SPPL3: variants seen among roughly 807,000 people sequenced by gnomAD.
SPPL3 encodes the protein signal peptide peptidase-like 3.
SPPL3 carries 5 observed loss-of-function variants against 42.4 expected under a neutral mutation model. The ratio of observed to expected loss-of-function variants is 0.12; its 90% CI spans 0.06 to 0.25. The LOEUF is 0.25. SPPL3 is among the 10% of genes least tolerant of loss of function. The pLI, the probability that SPPL3 is intolerant of heterozygous loss-of-function variation, is 1.00. For missense variants in SPPL3, 235 were observed against 489.0 expected (o/e 0.48, Z 4.90); for synonymous variants, 195 against 181.8 (o/e 1.07, Z -0.58).
At chr12:120,883,396 C>G (rs1339720472) in intron 1 of SPPL3, among the ~76,000 whole-genome samples, 23 of 152,152 alleles carry the variant, frequency 1.5e-4, no homozygotes, top group Non-Finnish European at 1.5e-5. Flanking sequence ...CTAACCTATT[C>G]CTATTTAGAG....
intron 1 of SPPL3, among the ~76,000 whole-genome samples, chr12:120,881,995 G>A (rs1016216545): frequency 4.6e-5 from 7 of 152,030 alleles, no homozygotes; most frequent in Admixed American, 2.0e-4. Context: ...GCAGTCAACC[G>A]TGGTCTGAAA....
intron 1 of SPPL3, among the ~76,000 whole-genome samples, chr12:120,842,098 G>A (rs1871850728): frequency 6.6e-6 from 1 of 152,176 alleles, no homozygotes; most frequent in African/African-American, 2.4e-5. Flanking sequence ...AATACAGACT[G>A]TGTACAGTAT....
At chr12:120,896,643 G>A (rs972650740) in intron 1 of SPPL3, among the ~76,000 whole-genome samples, 5 of 152,110 alleles carry the variant, frequency 3.3e-5, no homozygotes, top group Non-Finnish European at 7.3e-5. Context: ...GCCGGGCATG[G>A]TGGTGTGCAC....
intron 1 of SPPL3, among the ~76,000 whole-genome samples, chr12:120,850,713 G>T (rs1192300027): frequency 6.6e-6 from 1 of 152,196 alleles, no homozygotes; most frequent in Non-Finnish European, 1.5e-5. Flanking sequence ...CATAGTTGCG[G>T]AGGTCATGAA....
At chr12:120,766,100 G>A (rs4767933) in intron 10 of SPPL3, among the ~76,000 whole-genome samples, 163 bp downstream of exon 10, 14,630 of 82,946 alleles carry the variant, frequency 0.18, 1,034 homozygotes, top group East Asian at 0.4. Context: ...GCGCGCGCGC[G>A]CACACACACA....
Position 120,811,637 on chromosome 12 carries a change from C to T in SPPL3, c.24-751G>A, listed in dbSNP as rs193261983. ...CTCCATGAGTTCACCCTCCACATTG[C>T]CCATTCTTATTTGTCAGGGATTTTC... is the stretch of plus-strand genomic sequence containing the variant. On this transcript the variant is annotated intron_variant, in intron 1 of 10. Coordinates refer to ENST00000353487, the MANE Select transcript of SPPL3 (RefSeq NM_139015.5). Among the ~76,000 whole-genome samples the T allele has an allele frequency of 5.8e-3, 878 of 152,286 alleles. 21 individuals carry two copies. Among genetic ancestry groups the T allele is most frequent in the Admixed American group, 0.051 (787 of 15,282 alleles).
At chr12:120,872,474 A>G (rs77714472) in intron 1 of SPPL3, among the ~76,000 whole-genome samples, 1,731 of 152,346 alleles carry the variant, frequency 0.011, 32 homozygotes, top group Non-Finnish European at 0.017. Context: ...CTTCAGGGAC[A>G]GAACACTGAA....
chr12:120,888,295 C>G (rs1013498266), intron 1 of SPPL3, among the ~76,000 whole-genome samples: 2 of 152,018 alleles, frequency 1.3e-5, no homozygotes, highest in African/African-American at 2.4e-5. Flanking sequence ...AGGCTGGTCT[C>G]GAACTCCTAA....
At chr12:120,863,455 C>G (rs1872671275) in intron 1 of SPPL3, among the ~76,000 whole-genome samples, 1 of 152,284 alleles carries the variant, frequency 6.6e-6, no homozygotes, top group African/African-American at 2.4e-5. Flanking sequence ...TAATGTCTGG[C>G]TTAATCGAAG....
Position 120,810,782 on chromosome 12 carries a change from T to C in SPPL3, c.101+27A>G, listed in dbSNP as rs142284375. The C allele has an allele frequency of 9.9e-4, 1,552 of 1,565,120 alleles. 15 individuals are homozygous for C. In the African/African-American group the frequency reaches 0.017, roughly 17 times the overall value. On this transcript the variant is annotated intron_variant, in intron 2 of 10. Transcript: ENST00000353487. ...GCTTCCTTCTTCCACCTCCAACTTGTATCAACCCCATTTGAGAATATCTTA... is the reference window on the plus strand; with the variant it reads ...GCTTCCTTCTTCCACCTCCAACTTGCATCAACCCCATTTGAGAATATCTTA...
intron 1 of SPPL3, among the ~76,000 whole-genome samples, chr12:120,884,195 C>T (rs758016698): frequency 6.6e-6 from 1 of 150,886 alleles, no homozygotes. Context: ...TACACCTAAA[C>T]GGGGACAGGG....
chr12:120,786,177 A>G (rs960335355), intron 3 of SPPL3, among the ~76,000 whole-genome samples: 1 of 152,200 alleles, frequency 6.6e-6, no homozygotes, highest in African/African-American at 2.4e-5. Context: ...GGAAAAGTGA[A>G]CTATGTGTCA....
chr12:120,796,163 G>T (rs1012266505), intron 2 of SPPL3, among the ~76,000 whole-genome samples: 1 of 152,042 alleles, frequency 6.6e-6, no homozygotes, highest in African/African-American at 2.4e-5. Flanking sequence ...ATCACTTGAC[G>T]ACAGGAGTTT....
chr12:120,791,436 T>C lies in SPPL3; in HGVS notation c.190+33A>G, dbSNP rs1566042977. Reference sequence around the variant, plus strand: ...AAACAGCCAAATTAAGAAAACTATATGTACAGAAGTTAATTGACATAAAAT... The same window carrying C: ...AAACAGCCAAATTAAGAAAACTATACGTACAGAAGTTAATTGACATAAAAT... On this transcript the variant is annotated intron_variant, in intron 3 of 10. Coordinates refer to ENST00000353487, the MANE Select transcript of SPPL3 (RefSeq NM_139015.5). 2.0e-6 allele frequency: 3 copies of C among 1,473,106 alleles called. No individual in the cohort carries two copies. In the East Asian group the frequency reaches 6.9e-5, roughly 34 times the overall value. 91.3% of individuals were successfully genotyped at this position (1,473,106 alleles called of 1,614,324 possible). A position where few individuals can be genotyped will look rare whatever the true frequency, so the allele number is the denominator to read the frequency against.
chr12:120,902,465 G>T (rs1330398624), intron 1 of SPPL3, among the ~76,000 whole-genome samples: 1 of 152,070 alleles, frequency 6.6e-6, no homozygotes, highest in African/African-American at 2.4e-5. Context: ...AATTAATGTA[G>T]TAAGATCTGT....
At chr12:120,801,666 CAG>C (rs1295558729) in intron 2 of SPPL3, among the ~76,000 whole-genome samples, 1 of 152,150 alleles carries the variant, frequency 6.6e-6, no homozygotes, top group Non-Finnish European at 1.5e-5. Flanking sequence ...AAAAAACCTA[CAG>C]AGTATTTCTC....
rs1157326966 is a variant in SPPL3, at chr12:120,786,130, TG to T, written c.191-1538del. The stretch of plus-strand genomic sequence containing the variant: ...GCTTCTCAGGGACTAGGCAGATGAG[TG>T]AAGTAATTCACTTAGGAATAGGACA... On this transcript the variant is annotated intron_variant, in intron 3 of 10. Transcript: ENST00000353487. Among the ~76,000 whole-genome samples the T allele has an allele frequency of 2.6e-5, 4 of 152,098 alleles. 1 individual carries two copies. In the South Asian group the frequency reaches 8.3e-4, roughly 32 times the overall value.
chr12:120,822,820 C>T (rs1871112269), intron 1 of SPPL3, among the ~76,000 whole-genome samples: 1 of 152,096 alleles, frequency 6.6e-6, no homozygotes, highest in South Asian at 2.1e-4. Flanking sequence ...CATCATCTTG[C>T]AGTATCTAAT....
At chr12:120,817,882 A>G (rs1417026282) in intron 1 of SPPL3, among the ~76,000 whole-genome samples, 1 of 152,204 alleles carries the variant, frequency 6.6e-6, no homozygotes, top group Non-Finnish European at 1.5e-5. Context: ...AGCGTTCATC[A>G]GCATTTCAGA....
Sources: allele counts gnomAD v4.1 joint callset (sites outside exome capture counted in the v4.1 genomes callset), GRCh38; gene constraint gnomAD v4.1.1; transcripts MANE v1.5; gene names NCBI Gene and HGNC (gene_info 2026-07-23, HGNC 2026-07-21).